Variants in RARB observed in about 807,000 individuals in gnomAD.
The protein encoded by RARB is retinoic acid receptor beta.
RARB carries 17 observed loss-of-function variants against 51.9 expected under a neutral mutation model. That is an observed-to-expected ratio of 0.33 (90% confidence interval 0.22 to 0.49). RARB has a LOEUF of 0.49. Among genes scored for constraint, RARB ranks in the 20% least tolerant of loss-of-function variants. RARB has a pLI of 0.99. For synonymous variants in RARB, 215 were observed against 195.4 expected (o/e 1.10, Z -0.84); for missense variants, 369 against 550.8 (o/e 0.67, Z 3.30).
At chr3:25,082,116 G>GT (rs1349283068) in intron 3 of RARB, among the ~76,000 whole-genome samples, 5 of 151,712 alleles carry the variant, frequency 3.3e-5, no homozygotes, top group Non-Finnish European at 5.9e-5. Context: ...ATTTTTAATC[G>GT]TTTTTTCTTT....
intron 5 of RARB, among the ~76,000 whole-genome samples, chr3:25,205,583 T>C (rs763294745): frequency 6.6e-6 from 1 of 152,104 alleles, no homozygotes; most frequent in Non-Finnish European, 1.5e-5. Flanking sequence ...CTGCAATGTT[T>C]TTAACCCAAA....
chr3:25,150,200 CAAA>C (rs34908200), intron 4 of RARB, among the ~76,000 whole-genome samples: 1 of 140,132 alleles, frequency 7.1e-6, no homozygotes. Context: ...GGCTCTGTCT[CAAA>C]AAAAAAAAAA....
chr3:25,008,014 G>T (rs1697312767), intron 2 of RARB, among the ~76,000 whole-genome samples: 1 of 152,024 alleles, frequency 6.6e-6, no homozygotes, highest in Non-Finnish European at 1.5e-5. Context: ...TATGTGTAAG[G>T]TCTTAGCACA....
chr3:24,853,076 A>ATTACTTT (rs1384886577), intron 1 of RARB, among the ~76,000 whole-genome samples: 1 of 151,814 alleles, frequency 6.6e-6, no homozygotes, highest in African/African-American at 2.4e-5. Flanking sequence ...GCACTTTGGG[A>ATTACTTT]GGCCGAGACG....
intron 4 of RARB, among the ~76,000 whole-genome samples, chr3:25,151,889 T>C (rs1700292901): frequency 6.6e-6 from 1 of 150,820 alleles, no homozygotes; most frequent in Non-Finnish European, 1.5e-5. Context: ...TTAACTGTTT[T>C]ATTGTTTAAT....
intron 4 of RARB, among the ~76,000 whole-genome samples, chr3:25,570,342 G>A (rs143791234): frequency 1.3e-5 from 2 of 152,150 alleles, no homozygotes; most frequent in Non-Finnish European, 2.9e-5. Flanking sequence ...CAGGGGGACG[G>A]GGCCTGATCT....
At chr3:25,174,091 T>C (rs560857696) in intron 4 of RARB, 19 of 184,862 alleles carry the variant, frequency 1.0e-4, no homozygotes, top group Non-Finnish European at 2.1e-4. Flanking sequence ...TTTTGTGATA[T>C]ATATATTTTT....
chr3:25,037,608 G>T (rs1698024074), intron 2 of RARB, among the ~76,000 whole-genome samples: 1 of 152,140 alleles, frequency 6.6e-6, no homozygotes, highest in African/African-American at 2.4e-5. Flanking sequence ...CTATTGAATA[G>T]GTACTGTGGT....
At chr3:25,402,069 C>T (rs976606320) in intron 5 of RARB, among the ~76,000 whole-genome samples, 2 of 152,024 alleles carry the variant, frequency 1.3e-5, no homozygotes, top group African/African-American at 2.4e-5. Flanking sequence ...AGCCACTGCA[C>T]CCAGCCTGAA....
In RARB at chr3:25,594,603, A is replaced by G; in HGVS notation, c.1075A>G (p.Arg359Gly). The G allele has an allele frequency of 6.2e-7, 1 of 1,613,802 alleles. No homozygotes were observed. Among genetic ancestry groups the G allele is most frequent in the African/African-American group, 1.3e-5 (1 of 75,008 alleles). ...AGCACTAAAAATTTATATCAGAAAA[A>G]GACGACCCAGCAAGCCTCACATGTT... is the stretch of plus-strand genomic sequence containing the variant. ...LEALKIYIRK[R>G]RPSKPHMFPK... Residue 359 changes from arginine (R) to glycine (G), a missense_variant, in exon 7 of 8, where the codon AGA (arginine) becomes GGA (glycine). Transcript: ENST00000330688.
chr3:25,073,709 G>C (rs1698816190), intron 3 of RARB, among the ~76,000 whole-genome samples: 1 of 152,062 alleles, frequency 6.6e-6, no homozygotes, highest in Non-Finnish European at 1.5e-5. Flanking sequence ...AAATGCTAGG[G>C]GAACAGTAGA....
intron 2 of RARB, among the ~76,000 whole-genome samples, chr3:24,892,665 T>C (rs945389636): frequency 6.6e-6 from 1 of 152,170 alleles, no homozygotes; most frequent in Non-Finnish European, 1.5e-5. Context: ...TCTAGCAGAT[T>C]TATGAAGGAA....
intron 3 of RARB, among the ~76,000 whole-genome samples, chr3:25,065,464 A>G (rs1415351155): frequency 6.6e-6 from 1 of 152,196 alleles, no homozygotes; most frequent in African/African-American, 2.4e-5. Flanking sequence ...AGCACTGACT[A>G]TAGTTCTGAT....
intron 3 of RARB, among the ~76,000 whole-genome samples, chr3:25,530,329 T>C (rs1438959840): frequency 1.3e-5 from 2 of 152,158 alleles, no homozygotes; most frequent in African/African-American, 2.4e-5. Context: ...AGGCCAAGGG[T>C]TTGATATCCT....
intron 5 of RARB, among the ~76,000 whole-genome samples, chr3:25,422,657 G>T (rs1707892607): frequency 6.6e-6 from 1 of 151,958 alleles, no homozygotes; most frequent in Non-Finnish European, 1.5e-5. Flanking sequence ...GAAATTACCA[G>T]CCAAGAGAGA....
At position 25,593,716 on chromosome 3, in the gene RARB, T is replaced by A; in HGVS notation, c.991+9T>A. The A allele has an allele frequency of 6.2e-7, 1 of 1,610,238 alleles. No individual in the cohort carries two copies. Among genetic ancestry groups the A allele is most frequent in the South Asian group, 1.1e-5 (1 of 90,908 alleles). On this transcript the variant is annotated intron_variant, in intron 6 of 7. Transcript: ENST00000330688. ...CTGCTTAATCTGTGGAGGTACCAACTATGTAGAAAAGCCTCATGAAATTCC... is the reference window on the plus strand; with the variant it reads ...CTGCTTAATCTGTGGAGGTACCAACAATGTAGAAAAGCCTCATGAAATTCC...
At chr3:25,103,342 C>G (rs928447031) in intron 3 of RARB, among the ~76,000 whole-genome samples, 1 of 152,200 alleles carries the variant, frequency 6.6e-6, no homozygotes. Context: ...GAGAAATGAA[C>G]TGGCTTCTTC....
intron 4 of RARB, among the ~76,000 whole-genome samples, chr3:25,150,727 C>T (rs1020282863): frequency 6.6e-6 from 1 of 152,172 alleles, no homozygotes; most frequent in African/African-American, 2.4e-5. Flanking sequence ...CAGGAAAGAA[C>T]TTCTTTGAAC....
chr3:25,168,456 T>C (rs1395227131), intron 4 of RARB, among the ~76,000 whole-genome samples: 1 of 151,968 alleles, frequency 6.6e-6, no homozygotes, highest in Non-Finnish European at 1.5e-5. Flanking sequence ...AAACTCCTGA[T>C]CTCAAGTAAT....
Sources: gnomAD v4.1 joint callset for allele counts (sites outside exome capture counted in the v4.1 genomes callset) on GRCh38, gnomAD v4.1.1 for gene constraint, MANE v1.5 for transcripts, NCBI Gene and HGNC (gene_info 2026-07-23, HGNC 2026-07-21) for gene names.